FSTL5: variants seen among roughly 807,000 people sequenced by gnomAD.
FSTL5 encodes the protein follistatin like 5, also known as follistatin-related protein 5.
A neutral mutation model predicts 89.1 loss-of-function variants in FSTL5; 62 were observed. That is an observed-to-expected ratio of 0.70 (90% confidence interval 0.57 to 0.86). FSTL5 has a LOEUF of 0.86. Ranked by LOEUF, FSTL5 falls within the 40% of genes least tolerant of loss-of-function variation. The probability of loss-of-function intolerance (pLI) is 0.00; values close to 1 mark genes in which losing one functional copy is unlikely to be tolerated. For synonymous variants in FSTL5, 383 were observed against 346.2 expected (o/e 1.11, Z -1.18); for missense variants, 1,057 against 1,001.6 (o/e 1.06, Z -0.75).
At chr4:162,142,582 G>GCACC (rs1732792288) in intron 1 of FSTL5, among the ~76,000 whole-genome samples, 1 of 152,080 alleles carries the variant, frequency 6.6e-6, no homozygotes, top group Non-Finnish European at 1.5e-5. Context: ...AGTGACAATA[G>GCACC]CACCATTCTT....
chr4:161,961,797 G>T (rs1488791333), intron 3 of FSTL5, among the ~76,000 whole-genome samples: 1 of 151,630 alleles, frequency 6.6e-6, no homozygotes, highest in Non-Finnish European at 1.5e-5. Context: ...TCATTTAAAT[G>T]TTCTAACTTC....
intron 4 of FSTL5, among the ~76,000 whole-genome samples, chr4:161,788,147 A>C (rs1741976075): frequency 6.6e-6 from 1 of 152,138 alleles, no homozygotes; most frequent in Non-Finnish European, 1.5e-5. Flanking sequence ...TTGACACGTA[A>C]TAATTGTACA....
intron 3 of FSTL5, among the ~76,000 whole-genome samples, chr4:161,999,382 TA>T (rs1048299074): frequency 1.3e-5 from 2 of 152,296 alleles, no homozygotes; most frequent in African/African-American, 4.8e-5. Context: ...TTGTAATTTG[TA>T]AATTGTAATT....
At chr4:161,558,127 T>G (rs1732456081) in intron 8 of FSTL5, among the ~76,000 whole-genome samples, 1 of 151,884 alleles carries the variant, frequency 6.6e-6, no homozygotes, top group African/African-American at 2.4e-5. Context: ...TGAAAAACGT[T>G]TTATAAAACA....
chr4:161,417,117 G>A (rs1731814512), intron 15 of FSTL5, among the ~76,000 whole-genome samples: 1 of 152,174 alleles, frequency 6.6e-6, no homozygotes, highest in Non-Finnish European at 1.5e-5. Context: ...TTAGTTTAAA[G>A]TCACATATGC....
At chr4:161,811,815 T>A (rs939277332) in intron 4 of FSTL5, among the ~76,000 whole-genome samples, 2 of 152,128 alleles carry the variant, frequency 1.3e-5, no homozygotes, top group African/African-American at 4.8e-5. Flanking sequence ...CAAATATTTG[T>A]CTTAGGAATT....
intron 10 of FSTL5, among the ~76,000 whole-genome samples, chr4:161,531,388 T>G (rs886605586): frequency 6.6e-6 from 1 of 152,152 alleles, no homozygotes; most frequent in African/African-American, 2.4e-5. Context: ...AGCTGGATGA[T>G]TACTCCGAAG....
intron 3 of FSTL5, among the ~76,000 whole-genome samples, chr4:161,991,651 G>T (rs1476588480): frequency 6.6e-6 from 1 of 152,092 alleles, no homozygotes; most frequent in Non-Finnish European, 1.5e-5. Flanking sequence ...GTATGCAGAG[G>T]GCCGGTTTTT....
In FSTL5 at chr4:161,538,288, T is replaced by C. The variant is rs969719222; in HGVS notation, c.1190A>G (p.Glu397Gly). The C allele has an allele frequency of 1.9e-6, 3 of 1,613,778 alleles. No individual in the cohort carries two copies. The highest frequency in any genetic ancestry group is 1.3e-5 in the African/African-American group (1 of 74,912). The change falls in exon 10 of 16, where the codon GAG becomes GGG. Residue 397 changes from glutamate (E) to glycine (G), a missense_variant. Physicochemically the swap from Glu to Gly is moderately conservative, Grantham distance 98 (BLOSUM62 -2). Around this residue, in one of 3 missense-constraint regions of FSTL5, gnomAD observed 980 missense variants for 903.2 expected, o/e 1.08. Transcript: ENST00000306100. ...KQLTLQANGS[E>G]VHISNVRYED... ...ATAGCGCACATTGCTTATGTGAACC[T>C]CACTGCCATTTGCTGAAAAAAGAAG...
chr4:161,615,130 T>C (rs984055110), intron 7 of FSTL5, among the ~76,000 whole-genome samples: 3 of 151,332 alleles, frequency 2.0e-5, no homozygotes, highest in Admixed American at 6.6e-5. Context: ...CCGTCTCTAC[T>C]AAAAATACAA....
chr4:161,655,985 G>T (rs544165705), intron 7 of FSTL5, among the ~76,000 whole-genome samples: 1 of 151,900 alleles, frequency 6.6e-6, no homozygotes, highest in Non-Finnish European at 1.5e-5. Flanking sequence ...ACTTGAACAC[G>T]CATATAGGCA....
In FSTL5 at chr4:161,709,667, A is replaced by C. The variant is rs1319384011; in HGVS notation, c.727+49744T>G. Among the ~76,000 whole-genome samples the C allele has an allele frequency of 3.9e-5, 6 of 152,086 alleles. No individual in the cohort carries two copies. In the East Asian group the frequency reaches 1.2e-3, roughly 29 times the overall value. On this transcript the variant is annotated intron_variant, in intron 6 of 15. Transcript: ENST00000306100. Reference sequence around the variant, plus strand: ...AAAAATTAGCTAGTCGTGGTGGCACACACCCATGGTCCCAGCTACTCAGGA... The same window carrying C: ...AAAAATTAGCTAGTCGTGGTGGCACCCACCCATGGTCCCAGCTACTCAGGA...
intron 4 of FSTL5, among the ~76,000 whole-genome samples, chr4:161,880,986 A>G (rs1233178583): frequency 6.6e-6 from 1 of 152,016 alleles, no homozygotes; most frequent in Non-Finnish European, 1.5e-5. Context: ...ACACAAATCT[A>G]TACATATAAG....
At chr4:161,919,512 C>T (rs944906290) in intron 4 of FSTL5, among the ~76,000 whole-genome samples, 2 of 152,132 alleles carry the variant, frequency 1.3e-5, no homozygotes, top group African/African-American at 4.8e-5. Flanking sequence ...AATTATTTTT[C>T]AGCCATAAAT....
intron 3 of FSTL5, among the ~76,000 whole-genome samples, chr4:161,935,368 T>G (rs552007755): frequency 1.3e-5 from 2 of 152,144 alleles, no homozygotes; most frequent in Admixed American, 1.3e-4. Flanking sequence ...TCCTCAACAA[T>G]GGGTGCTCAA....
chr4:161,729,862 G>A (rs1459088754), intron 6 of FSTL5, among the ~76,000 whole-genome samples: 1 of 152,144 alleles, frequency 6.6e-6, no homozygotes, highest in Non-Finnish European at 1.5e-5. Context: ...ACTTCACAGA[G>A]GATTCAAAGA....
intron 7 of FSTL5, among the ~76,000 whole-genome samples, chr4:161,654,426 G>A (rs1736445281): frequency 1.3e-5 from 2 of 152,112 alleles, no homozygotes; most frequent in Admixed American, 1.3e-4. Context: ...CCACAATGAT[G>A]CTGTCAAGGG....
At position 161,588,997 on chromosome 4, in the gene FSTL5, G is replaced by GTT. The variant is rs879331171; in HGVS notation, c.895-1424_895-1423dup. 3.7e-3 allele frequency among the ~76,000 whole-genome samples: 488 copies of GTT among 130,902 alleles called. 5 individuals carry two copies. Among genetic ancestry groups the GTT allele is most frequent in the Middle Eastern group, 0.013 (3 of 240 alleles). 85.9% of individuals were successfully genotyped at this position (130,902 alleles called of 152,430 possible). On this transcript the variant is annotated intron_variant, in intron 7 of 15. Coordinates refer to ENST00000306100, the MANE Select transcript of FSTL5 (RefSeq NM_020116.5). ...CTGTGTAAAGAGCCCTATCCCTAAT[G>GTT]TTTTTTTTTTTTTTTTTTGAGGCAG...
At chr4:161,873,844 C>T (rs2126902924) in intron 4 of FSTL5, among the ~76,000 whole-genome samples, 1 of 151,680 alleles carries the variant, frequency 6.6e-6, no homozygotes, top group African/African-American at 2.4e-5. Flanking sequence ...CACTTTTTTG[C>T]TCGTTCATTT....
Sources: allele counts gnomAD v4.1 joint callset (sites outside exome capture counted in the v4.1 genomes callset), GRCh38; gene constraint gnomAD v4.1.1; regional missense constraint gnomAD v4.1.1; transcripts MANE v1.5; gene names NCBI Gene and HGNC (gene_info 2026-07-23, HGNC 2026-07-21).